SAP130: variants seen among roughly 807,000 people sequenced by gnomAD.
SAP130 encodes the protein histone deacetylase complex subunit SAP130.
In SAP130, 16 loss-of-function variants were observed where a neutral mutation model predicts 103.2. That is an observed-to-expected ratio of 0.16 (90% confidence interval 0.10 to 0.24). The LOEUF (loss-of-function observed/expected upper bound fraction) is 0.24. Ranked by LOEUF, SAP130 falls within the 10% of genes least tolerant of loss-of-function variation. The pLI, the probability that SAP130 is intolerant of heterozygous loss-of-function variation, is 1.00. For synonymous variants in SAP130, 477 were observed against 497.0 expected (o/e 0.96, Z 0.53); for missense variants, 990 against 1,359.7 (o/e 0.73, Z 4.28).
intron 5 of SAP130, among the ~76,000 whole-genome samples, chr2:128,014,096 G>A (rs536401778): frequency 6.6e-6 from 1 of 152,128 alleles, no homozygotes; most frequent in Non-Finnish European, 1.5e-5. Context: ...TCAATATATA[G>A]GACAATTTTA....
intron 14 of SAP130, among the ~76,000 whole-genome samples, chr2:127,980,131 G>A (rs2104937053): frequency 6.6e-6 from 1 of 152,074 alleles, no homozygotes; most frequent in East Asian, 1.9e-4. Flanking sequence ...TGCCCGCCTT[G>A]GCCTCCCAAA....
intron 14 of SAP130, 91 bp from the exon 15 acceptor site, chr2:127,978,180 A>G (rs1466324171): frequency 2.2e-6 from 2 of 898,046 alleles, no homozygotes; most frequent in Admixed American, 2.0e-5. Context: ...AGGCATACCT[A>G]GGACAAAATA....
At chr2:127,968,642 C>T (rs891935686) in intron 15 of SAP130, among the ~76,000 whole-genome samples, 4 of 151,758 alleles carry the variant, frequency 2.6e-5, no homozygotes, top group African/African-American at 7.3e-5. Flanking sequence ...TCCCACCTCC[C>T]GAGTAGCTGG....
intron 18 of SAP130, among the ~76,000 whole-genome samples, chr2:127,947,753 A>AG (rs1679183070): frequency 2.5e-5 from 1 of 39,258 alleles, no homozygotes; most frequent in South Asian, 6.7e-4. Context: ...TTAATTTTGT[A>AG]TTGTGTGTGT....
intron 10 of SAP130, among the ~76,000 whole-genome samples, chr2:127,997,238 GGAAGGTATAGCT>G (rs1471884724): frequency 6.6e-6 from 1 of 152,162 alleles, no homozygotes; most frequent in Non-Finnish European, 1.5e-5. Flanking sequence ...AATTTTGTTT[GGAAGGTATAGCT>G]GAACTAGAAT....
At chr2:128,027,361 C>A in intron 1 of SAP130, 1 of 1,149,398 alleles carries the variant, frequency 8.7e-7, no homozygotes, top group Non-Finnish European at 1.1e-6. Flanking sequence ...TCAGTGGAGG[C>A]CCAGGACCAA....
intron 2 of SAP130, among the ~76,000 whole-genome samples, chr2:128,019,643 T>C (rs959836930): frequency 2.0e-5 from 3 of 151,018 alleles, no homozygotes; most frequent in African/African-American, 7.3e-5. Flanking sequence ...CCCAGCACTT[T>C]GGGAGGCCAA....
In SAP130 at chr2:127,988,120, A is replaced by T. The variant is rs141695551; in HGVS notation, c.1781-1158T>A. The stretch of plus-strand genomic sequence containing the variant: ...AATAGTTGAATTCAAGGTCTACAGA[A>T]CAATTAAAATTCATAGCTCCAGCCA... On this transcript the variant is annotated intron_variant, in intron 13 of 20. Transcript: ENST00000643581. Among the ~76,000 whole-genome samples, 23 of 152,318 alleles carry T rather than the reference A, an allele frequency of 1.5e-4. No homozygotes were observed. In the East Asian group the frequency reaches 4.4e-3, roughly 29 times the overall value.
intron 7 of SAP130, among the ~76,000 whole-genome samples, chr2:128,003,359 T>TAACC (rs1233693085): frequency 4.0e-5 from 6 of 150,776 alleles, no homozygotes; most frequent in Non-Finnish European, 8.9e-5. Context: ...ATAAAACAAC[T>TAACC]AACCAGGCAT....
At chr2:127,985,960 G>C (rs1294140046) in intron 14 of SAP130, among the ~76,000 whole-genome samples, 1 of 152,154 alleles carries the variant, frequency 6.6e-6, no homozygotes, top group African/African-American at 2.4e-5. Flanking sequence ...CCCCCGACCA[G>C]CAGAACGACG....
At position 127,971,530 on chromosome 2, in the gene SAP130, A is replaced by G. The variant is rs529219524; in HGVS notation, c.2063+6455T>C. ...TCTCGATCTCCTGACCTCGTGATCT[A>G]CCCGCCTTGGCCTCCCAAAGTGCTG... On this transcript the variant is annotated intron_variant, in intron 15 of 20. Coordinates refer to ENST00000643581, the MANE Select transcript of SAP130 (RefSeq NM_001330301.2). Among the ~76,000 whole-genome samples, 62 of 151,798 alleles carry G rather than the reference A, an allele frequency of 4.1e-4. 1 individual carries two copies. Among genetic ancestry groups the G allele is most frequent in the African/African-American group, 1.5e-3 (61 of 41,412 alleles).
chr2:128,021,593 T>C (rs1336594570), intron 2 of SAP130, among the ~76,000 whole-genome samples: 4 of 152,182 alleles, frequency 2.6e-5, no homozygotes, highest in Non-Finnish European at 5.9e-5. Flanking sequence ...ATAGATTACA[T>C]AGAATACCAC....
At chr2:128,015,215 G>C (rs1251653692) in intron 4 of SAP130, among the ~76,000 whole-genome samples, 1 of 152,162 alleles carries the variant, frequency 6.6e-6, no homozygotes, top group Non-Finnish European at 1.5e-5. Flanking sequence ...TTTCACACTT[G>C]TTTTCCCTGT....
At chr2:127,946,537 C>T (rs1018817898) in intron 18 of SAP130, among the ~76,000 whole-genome samples, 6 of 151,806 alleles carry the variant, frequency 4.0e-5, no homozygotes, top group African/African-American at 9.7e-5. Flanking sequence ...GAATGGTTTT[C>T]CCCCCAAAGA....
chr2:127,949,758 A>G (rs886529140), intron 18 of SAP130, 111 bp downstream of exon 18: 1 of 1,138,612 alleles, frequency 8.8e-7, no homozygotes, highest in African/African-American at 1.6e-5. Flanking sequence ...TGTAACAAAA[A>G]CTTATGGTTT....
At chr2:128,009,876 T>C (rs548462272) in intron 7 of SAP130, among the ~76,000 whole-genome samples, 32 of 152,322 alleles carry the variant, frequency 2.1e-4, no homozygotes, top group South Asian at 4.1e-4. Flanking sequence ...GATAACCATA[T>C]AGCTCACTCA....
intron 15 of SAP130, among the ~76,000 whole-genome samples, chr2:127,969,203 T>C (rs1680895221): frequency 6.6e-6 from 1 of 152,188 alleles, no homozygotes; most frequent in African/African-American, 2.4e-5. Context: ...CACACCATTC[T>C]ACATAATTAT....
chr2:127,975,269 G>A (rs1681377123), intron 15 of SAP130, among the ~76,000 whole-genome samples: 1 of 152,174 alleles, frequency 6.6e-6, no homozygotes, highest in Non-Finnish European at 1.5e-5. Context: ...TTAAGAAAAT[G>A]GAAGACTGAA....
At chr2:127,991,415 C>T (rs72841717) in intron 12 of SAP130, among the ~76,000 whole-genome samples, 11,606 of 152,164 alleles carry the variant, frequency 0.076, 526 homozygotes, top group Middle Eastern at 0.15. Flanking sequence ...ACATGGCTCA[C>T]TGCAGCCTCA....
Sources: gnomAD v4.1 joint callset for allele counts (sites outside exome capture counted in the v4.1 genomes callset) on GRCh38, gnomAD v4.1.1 for gene constraint, MANE v1.5 for transcripts, NCBI Gene and HGNC (gene_info 2026-07-23, HGNC 2026-07-21) for gene names.